Variants in CNOT1 observed in about 807,000 individuals in gnomAD.
CNOT1 encodes the protein CCR4-associated factor 1.
A neutral mutation model predicts 273.8 loss-of-function variants in CNOT1; 15 were observed. The observed-to-expected ratio is 0.05, with a 90% CI of 0.04 to 0.08. CNOT1 has a LOEUF of 0.08. Among genes scored for constraint, CNOT1 ranks in the 10% least tolerant of loss-of-function variants. The probability of loss-of-function intolerance (pLI) is 1.00; values close to 1 mark genes in which losing one functional copy is unlikely to be tolerated. For synonymous variants in CNOT1, 1,022 were observed against 1,005.5 expected, an observed-to-expected ratio of 1.02 and a Z score of -0.31; for missense variants, 1,644 against 2,912.2, an observed-to-expected ratio of 0.56 and a Z score of 10.02.
chr16:58,560,593 T>C (rs565548262), intron 16 of CNOT1, among the ~76,000 whole-genome samples: 1 of 152,244 alleles, frequency 6.6e-6, no homozygotes, highest in East Asian at 1.9e-4. Context: ...AGAAACTTTG[T>C]TGAGGCTGGG....
intron 15 of CNOT1, 65 bp downstream of exon 15, chr16:58,574,942 G>C: frequency 1.3e-6 from 2 of 1,589,442 alleles, no homozygotes; most frequent in Admixed American, 1.9e-5. Context: ...TTTAAAAGTT[G>C]TACTTGATAG....
At chr16:58,557,391 CCT>C (rs1334181901) in intron 18 of CNOT1, among the ~76,000 whole-genome samples, 2 of 152,138 alleles carry the variant, frequency 1.3e-5, no homozygotes, top group African/African-American at 4.8e-5. Flanking sequence ...CTTCTTTATT[CCT>C]CTCAACTCCG....
Position 58,547,658 on chromosome 16 carries a change from C to A in CNOT1, c.3547G>T (p.Ala1183Ser). The A allele has an allele frequency of 6.2e-7, 1 of 1,613,618 alleles. No homozygotes were observed. Among genetic ancestry groups the A allele is most frequent in the Non-Finnish European group, 8.5e-7 (1 of 1,179,758 alleles). The change falls in exon 26 of 49, where the codon GCA (alanine) becomes TCA (serine). Residue 1183 changes from alanine (A) to serine (S), a missense_variant. Transcript: ENST00000317147. The surrounding 1 kb of genome is among the most constrained non-coding windows in gnomAD (Gnocchi z 4.0). Reference sequence around the variant, plus strand: ...AAAGAACGATCTGAGAAATTGGCTGCAGCTTTATCAGAGGTCAGGAGCACC... The same window carrying A: ...AAAGAACGATCTGAGAAATTGGCTGAAGCTTTATCAGAGGTCAGGAGCACC... ...IKVLLTSDKA[A>S]ANFSDRSLLK...
intron 21 of CNOT1, among the ~76,000 whole-genome samples, chr16:58,554,431 C>T (rs1194449764): frequency 6.6e-6 from 1 of 152,194 alleles, no homozygotes; most frequent in Admixed American, 6.5e-5. Flanking sequence ...AATCCCATCA[C>T]TGTGGGAGGC....
At position 58,583,769 on chromosome 16, in the gene CNOT1, C is replaced by T. The variant is rs559897525; in HGVS notation, c.807-587G>A. On this transcript the variant is annotated intron_variant, in intron 8 of 48. Coordinates refer to ENST00000317147, the MANE Select transcript of CNOT1 (RefSeq NM_016284.5). ...GGCCAGGCTGATCTCAAACTCCTGG[C>T]CTCAAGTGATCCACCCACCTCAGCC... Among the ~76,000 whole-genome samples the T allele has an allele frequency of 8.5e-5, 13 of 152,124 alleles. No individual in the cohort carries two copies. In the South Asian group the frequency reaches 2.7e-3, roughly 32 times the overall value.
intron 7 of CNOT1, among the ~76,000 whole-genome samples, chr16:58,586,244 CGGAGG>C (rs1482167560): frequency 9.0e-5 from 1 of 11,130 alleles, no homozygotes; most frequent in Non-Finnish European, 1.6e-4. Context: ...GAGAAAGAGG[CGGAGG>C]GGAGGGGAGG....
Position 58,538,213 on chromosome 16 carries a change from A to G in CNOT1, c.5189T>C (p.Leu1730Pro). 1 of 1,495,358 alleles carries G rather than the reference A, an allele frequency of 6.7e-7. No individual in the cohort carries two copies. Among genetic ancestry groups the G allele is most frequent in the Non-Finnish European group, 9.3e-7 (1 of 1,071,448 alleles). The allele number at this position is 1,495,358 out of a possible 1,614,324, so 92.6% of individuals were successfully genotyped here. Residue 1730 changes from leucine (L) to proline (P), a missense_variant, in exon 37 of 49, where the codon CTG becomes CCG. By Grantham distance (98) the Leu-to-Pro change is moderately conservative. Around this residue, in one of 13 missense-constraint regions of CNOT1, gnomAD observed 170 missense variants for 273.1 expected, o/e 0.62. Transcript: ENST00000317147. ...ATTAACCAAATGATTGCGAATTAGC[A>G]GCTCCACAGCCTCCACATTATATTT... is the stretch of plus-strand genomic sequence containing the variant. ...EYKYNVEAVE[L>P]LIRNHLVNMQ...
chr16:58,551,890 G>C (rs112601081), intron 22 of CNOT1, 71 bp from the exon 23 acceptor site: 5 of 1,573,194 alleles, frequency 3.2e-6, no homozygotes, highest in African/African-American at 2.7e-5. Flanking sequence ...CCTCTTTTCT[G>C]AGAGGGTAAA....
intron 1 of CNOT1, among the ~76,000 whole-genome samples, chr16:58,606,404 A>G (rs2042678091): frequency 1.3e-5 from 2 of 152,004 alleles, no homozygotes. Flanking sequence ...AAAACAAAAA[A>G]TAAGTAAAAC....
intron 1 of CNOT1, among the ~76,000 whole-genome samples, chr16:58,614,858 T>TG (rs1364854399): frequency 8.1e-6 from 1 of 123,420 alleles, no homozygotes; most frequent in Admixed American, 8.1e-5. Context: ...CACAGGCATA[T>TG]GCCACTACGT....
At chr16:58,584,370 G>A (rs1484432092) in intron 8 of CNOT1, among the ~76,000 whole-genome samples, 2 of 151,446 alleles carry the variant, frequency 1.3e-5, no homozygotes, top group Non-Finnish European at 2.9e-5. Context: ...TCGCTTTGTT[G>A]CCCAGGCTAG....
intron 18 of CNOT1, among the ~76,000 whole-genome samples, chr16:58,557,237 G>A (rs1167397712): frequency 1.3e-5 from 2 of 152,242 alleles, no homozygotes; most frequent in Non-Finnish European, 2.9e-5. Flanking sequence ...TCTTGATAAT[G>A]TGCAAAAAAT....
chr16:58,520,935 G>A lies in CNOT1; in HGVS notation c.*23C>T, dbSNP rs781511037. 33 of 1,609,326 alleles carry A rather than the reference G, an allele frequency of 2.1e-5. No homozygotes were observed. The Admixed American group carries it at 3.3e-4, about 16-fold the overall frequency. On this transcript the variant is annotated 3_prime_UTR_variant, in exon 49 of 49. Coordinates refer to ENST00000317147, the MANE Select transcript of CNOT1 (RefSeq NM_016284.5). ...TGCAGTGAGACCTCTAGACTGACAC[G>A]TACAACAGAGATGCAGTTTCGTCTA...
At chr16:58,555,608 TA>T in intron 20 of CNOT1, 71 bp from the exon 21 acceptor site, 1 of 1,556,996 alleles carries the variant, frequency 6.4e-7, no homozygotes, top group Non-Finnish European at 8.6e-7. Context: ...CAAATATGCT[TA>T]ACAAAAGACT....
At chr16:58,548,294 G>A (rs781350772) in intron 25 of CNOT1, among the ~76,000 whole-genome samples, 2 of 152,042 alleles carry the variant, frequency 1.3e-5, no homozygotes, top group Admixed American at 6.5e-5. Context: ...TTTTTCTAAG[G>A]GGGGGCAGAA....
intron 16 of CNOT1, among the ~76,000 whole-genome samples, chr16:58,563,935 T>A (rs1442290199): frequency 6.6e-6 from 1 of 152,180 alleles, no homozygotes; most frequent in African/African-American, 2.4e-5. Context: ...CAACACTGTA[T>A]GTGATACAAA....
At chr16:58,604,612 T>A (rs1282877079) in intron 1 of CNOT1, among the ~76,000 whole-genome samples, 2 of 129,862 alleles carry the variant, frequency 1.5e-5, no homozygotes, top group Non-Finnish European at 1.6e-5. Flanking sequence ...AGAAACCCCA[T>A]CTCTGCTATA....
At chr16:58,596,339 T>G (rs1218364035) in intron 2 of CNOT1, among the ~76,000 whole-genome samples, 1 of 152,186 alleles carries the variant, frequency 6.6e-6, no homozygotes, top group African/African-American at 2.4e-5. Flanking sequence ...CCTGTGTGAC[T>G]GCTCAGCCTG....
At chr16:58,550,013 A>G in intron 24 of CNOT1, 115 bp from the exon 25 acceptor site, 1 of 1,472,656 alleles carries the variant, frequency 6.8e-7, no homozygotes, top group Non-Finnish European at 9.1e-7. Flanking sequence ...ACTAGATGCT[A>G]AAGAATGACT....
Sources: gnomAD v4.1 joint callset for allele counts (sites outside exome capture counted in the v4.1 genomes callset) on GRCh38, gnomAD v4.1.1 for gene constraint, gnomAD v4.1.1 regional missense constraint, Gnocchi (gnomAD v3.1) non-coding constraint, MANE v1.5 for transcripts, NCBI Gene and HGNC (gene_info 2026-07-23, HGNC 2026-07-21) for gene names.